The following CNTLN variants were observed in gnomAD, a reference collection of about 807,000 sequenced individuals.
CNTLN encodes centlein, also known as centlein, centrosomal protein.
A neutral mutation model predicts 180.0 loss-of-function variants in CNTLN; 212 were observed. The observed-to-expected ratio is 1.18, with a 90% CI of 1.05 to 1.32. CNTLN has a LOEUF of 1.32. Among genes scored for constraint, CNTLN ranks in the 40% most tolerant of loss-of-function variants. The probability of loss-of-function intolerance (pLI) is 0.00; values close to 1 mark genes in which losing one functional copy is unlikely to be tolerated. For missense variants in CNTLN, 2,095 were observed against 1,610.9 expected, an observed-to-expected ratio of 1.30 and a Z score of -5.14; for synonymous variants, 722 against 563.1, an observed-to-expected ratio of 1.28 and a Z score of -3.99.
intron 2 of CNTLN, among the ~76,000 whole-genome samples, chr9:17,212,354 C>A (rs1021505854): frequency 6.6e-6 from 1 of 152,112 alleles, no homozygotes. Flanking sequence ...TGCTGGATTA[C>A]GTTTATTGAT....
intron 18 of CNTLN, chr9:17,447,167 C>A (rs1210907649): frequency 1.8e-5 from 4 of 218,064 alleles, no homozygotes; most frequent in South Asian, 8.3e-5. Context: ...TATCCCAGCT[C>A]AAAACTAGAT....
At chr9:17,195,040 A>G (rs958340707) in intron 2 of CNTLN, among the ~76,000 whole-genome samples, 39 of 152,190 alleles carry the variant, frequency 2.6e-4, no homozygotes, top group African/African-American at 9.2e-4. Flanking sequence ...TGTCCCTCCC[A>G]TAACGTGGGA....
Position 17,298,843 on chromosome 9 carries a change from A to T in CNTLN, c.1146+491A>T, listed in dbSNP as rs190633364. 396 of 985,638 alleles carry T rather than the reference A, an allele frequency of 4.0e-4. 5 individuals carry two copies. The Admixed American group carries it at 0.022, about 56-fold the overall frequency. 61.1% of individuals were successfully genotyped at this position (985,638 alleles called of 1,614,324 possible). ...TTTATTTTGTGTGTTTCTGTTCAGT[A>T]GTCTTTTACTTTACAGTTGTTTTAG... On this transcript the variant is annotated intron_variant, in intron 7 of 25. Coordinates refer to ENST00000380647, the MANE Select transcript of CNTLN (RefSeq NM_017738.4).
At chr9:17,157,662 C>A (rs1191262376) in intron 2 of CNTLN, among the ~76,000 whole-genome samples, 2 of 152,092 alleles carry the variant, frequency 1.3e-5, no homozygotes, top group African/African-American at 4.8e-5. Flanking sequence ...TCATTTGAGG[C>A]CTGAATAGAA....
chr9:17,176,736 C>A (rs1399369660), intron 2 of CNTLN, among the ~76,000 whole-genome samples: 1 of 152,124 alleles, frequency 6.6e-6, no homozygotes, highest in Non-Finnish European at 1.5e-5. Flanking sequence ...TGGGAGTTTC[C>A]AAATTGCCAA....
At chr9:17,398,193 T>C (rs1407886428) in intron 15 of CNTLN, among the ~76,000 whole-genome samples, 1 of 152,192 alleles carries the variant, frequency 6.6e-6, no homozygotes, top group African/African-American at 2.4e-5. Flanking sequence ...AATTTCAGTA[T>C]TCCAAGCAAA....
chr9:17,223,810 C>G (rs1382879110), intron 2 of CNTLN, among the ~76,000 whole-genome samples: 1 of 151,992 alleles, frequency 6.6e-6, no homozygotes, highest in East Asian at 1.9e-4. Context: ...TTTCACAGGG[C>G]CTAGAAGGCC....
At chr9:17,429,813 C>T (rs931284896) in intron 18 of CNTLN, among the ~76,000 whole-genome samples, 13 of 151,574 alleles carry the variant, frequency 8.6e-5, no homozygotes, top group African/African-American at 3.1e-4. Context: ...TACATTTTAC[C>T]CCTTTTAAGT....
chr9:17,445,972 T>C (rs1224694008), intron 18 of CNTLN, among the ~76,000 whole-genome samples: 1 of 152,180 alleles, frequency 6.6e-6, no homozygotes, highest in Admixed American at 6.5e-5. Context: ...CGGGCAGCAA[T>C]ACTGCTTTGT....
chr9:17,395,066 G>A lies in CNTLN; in HGVS notation c.2612G>A (p.Ser871Asn), dbSNP rs1217362224. Reference protein sequence around the residue: ...SKDGWEDVSESSSDSEAQTSQ... With the variant: ...SKDGWEDVSENSSDSEAQTSQ... ...GACGGCTGGGAGGATGTGAGTGAAA[G>A]CAGGTAAGGCTCTCATTAACTTAGC... Residue 871 changes from serine to asparagine, a missense_variant, in exon 15 of 26, where the codon AGC becomes AAC. Transcript: ENST00000380647. 2 of 1,603,624 alleles carry A rather than the reference G, an allele frequency of 1.2e-6. No homozygotes were observed. The highest frequency in any genetic ancestry group is 1.7e-6 in the Non-Finnish European group (2 of 1,173,474).
At chr9:17,400,286 C>T (rs907625258) in intron 15 of CNTLN, among the ~76,000 whole-genome samples, 24 of 152,222 alleles carry the variant, frequency 1.6e-4, no homozygotes, top group African/African-American at 5.5e-4. Context: ...TACCGGCGCA[C>T]ACCACAATGC....
chr9:17,456,311 C>G (rs1223714655), intron 18 of CNTLN, among the ~76,000 whole-genome samples: 1 of 152,022 alleles, frequency 6.6e-6, no homozygotes, highest in African/African-American at 2.4e-5. Flanking sequence ...ATTTCATAAA[C>G]AATTTCCTAA....
the CNTLN span, among the ~76,000 whole-genome samples, chr9:17,527,740 C>G: frequency 2.0e-5 from 3 of 152,168 alleles, no homozygotes; most frequent in Non-Finnish European, 1.5e-5. Context: ...AACCAGGGCT[C>G]TTGGGAGAAA....
chr9:17,341,559 G>C (rs1821481443), intron 11 of CNTLN, among the ~76,000 whole-genome samples: 1 of 152,098 alleles, frequency 6.6e-6, no homozygotes, highest in African/African-American at 2.4e-5. Context: ...GCAAAGGACT[G>C]AATGAGTACA....
intron 2 of CNTLN, among the ~76,000 whole-genome samples, chr9:17,225,164 C>G (rs1490979132): frequency 6.6e-6 from 1 of 151,918 alleles, no homozygotes; most frequent in African/African-American, 2.4e-5. Flanking sequence ...TTTCTAGACT[C>G]TAATATAAGC....
intron 10 of CNTLN, among the ~76,000 whole-genome samples, chr9:17,339,676 AAC>A (rs1302738248): frequency 6.6e-6 from 1 of 152,232 alleles, no homozygotes; most frequent in Non-Finnish European, 1.5e-5. Context: ...AAATATGAAT[AAC>A]AGTTATTAAA....
intron 2 of CNTLN, among the ~76,000 whole-genome samples, chr9:17,173,999 C>A (rs931895976): frequency 4.6e-5 from 7 of 152,146 alleles, no homozygotes; most frequent in African/African-American, 7.2e-5. Context: ...TGCTCCACAC[C>A]CTAGCCTGTT....
At chr9:17,329,082 G>A (rs1343888657) in intron 8 of CNTLN, among the ~76,000 whole-genome samples, 1 of 151,834 alleles carries the variant, frequency 6.6e-6, no homozygotes, top group Non-Finnish European at 1.5e-5. Flanking sequence ...ATTTATTGAC[G>A]AACACAAGTT....
intron 2 of CNTLN, among the ~76,000 whole-genome samples, chr9:17,186,262 C>G (rs1821430669): frequency 6.6e-6 from 1 of 152,128 alleles, no homozygotes; most frequent in South Asian, 2.1e-4. Context: ...AATAGTACAT[C>G]ATTCATGTTG....
Sources: allele counts gnomAD v4.1 joint callset (sites outside exome capture counted in the v4.1 genomes callset), GRCh38; gene constraint gnomAD v4.1.1; transcripts MANE v1.5; gene names NCBI Gene and HGNC (gene_info 2026-07-23, HGNC 2026-07-21).